LRRC4C: variants seen among roughly 807,000 people sequenced by gnomAD.
The protein encoded by LRRC4C is leucine rich repeat containing 4C.
In LRRC4C, 5 loss-of-function variants were observed where a neutral mutation model predicts 33.6. That is an observed-to-expected ratio of 0.15 (90% CI 0.08 to 0.31). The LOEUF is 0.31. Ranked by LOEUF, LRRC4C falls within the 10% of genes least tolerant of loss-of-function variation. The pLI is 1.00. For synonymous variants in LRRC4C, 329 were observed against 302.0 expected (o/e 1.09, Z -0.93); for missense variants, 560 against 796.7 (o/e 0.70, Z 3.58).
chr11:40,272,829 T>A (rs1369084368), intron 4 of LRRC4C, among the ~76,000 whole-genome samples: 2 of 152,004 alleles, frequency 1.3e-5, no homozygotes, highest in East Asian at 3.9e-4. Flanking sequence ...AAACCTATGA[T>A]TCATTCTTTT....
At chr11:40,155,737 C>T (rs908340260) in intron 5 of LRRC4C, among the ~76,000 whole-genome samples, 1 of 151,954 alleles carries the variant, frequency 6.6e-6, no homozygotes, top group Non-Finnish European at 1.5e-5. Context: ...AAAAAAAGTC[C>T]AAGACCAGAC....
At chr11:40,294,536 T>C (rs1312135283) in intron 4 of LRRC4C, among the ~76,000 whole-genome samples, 1 of 152,060 alleles carries the variant, frequency 6.6e-6, no homozygotes, top group Non-Finnish European at 1.5e-5. Flanking sequence ...ATTAACACAG[T>C]ACTATTGCTT....
At position 40,514,854 on chromosome 11, in the gene LRRC4C, AG is replaced by A. The variant is rs374293858; in HGVS notation, c.-270+133287del. Among the ~76,000 whole-genome samples, 75 of 152,296 alleles carry A rather than the reference AG, an allele frequency of 4.9e-4. No homozygotes were observed. The East Asian group carries it at 9.5e-3, about 19-fold the overall frequency. On this transcript the variant is annotated intron_variant, in intron 3 of 6. Coordinates refer to ENST00000528697, the MANE Select transcript of LRRC4C (RefSeq NM_001258419.2). ...AAGTTTGTTAGAACACAGAGAAAAAAGCCACAATTTCAAAAATTATCAAACC... is the reference window on the plus strand; with the variant it reads ...AAGTTTGTTAGAACACAGAGAAAAAACCACAATTTCAAAAATTATCAAACC...
intron 1 of LRRC4C, among the ~76,000 whole-genome samples, chr11:41,344,726 A>C (rs1481506007): frequency 6.6e-6 from 1 of 152,232 alleles, no homozygotes; most frequent in Non-Finnish European, 1.5e-5. Context: ...GAGAAGCTAG[A>C]AGCATATCTT....
chr11:41,167,010 C>T (rs1461078346), intron 1 of LRRC4C, among the ~76,000 whole-genome samples: 2 of 152,098 alleles, frequency 1.3e-5, no homozygotes, highest in Non-Finnish European at 2.9e-5. Flanking sequence ...GAATTCAGAG[C>T]TTTATGTGTT....
intron 2 of LRRC4C, among the ~76,000 whole-genome samples, chr11:40,804,428 T>A (rs368587105): frequency 6.6e-6 from 1 of 152,220 alleles, no homozygotes; most frequent in African/African-American, 2.4e-5. Flanking sequence ...TTTAAGCTCC[T>A]CACTTCCCTG....
intron 2 of LRRC4C, among the ~76,000 whole-genome samples, chr11:40,749,825 T>C (rs545170870): frequency 4.6e-5 from 7 of 151,910 alleles, no homozygotes; most frequent in Non-Finnish European, 7.4e-5. Context: ...ACCACGGAAA[T>C]ACAGAAGACC....
At chr11:41,362,197 C>T (rs1952378815) in intron 1 of LRRC4C, among the ~76,000 whole-genome samples, 1 of 152,126 alleles carries the variant, frequency 6.6e-6, no homozygotes, top group African/African-American at 2.4e-5. Context: ...AATTCAAGAT[C>T]TCACAACCCT....
At chr11:41,303,917 G>T (rs1204315802) in intron 1 of LRRC4C, among the ~76,000 whole-genome samples, 1 of 87,248 alleles carries the variant, frequency 1.1e-5, no homozygotes, top group African/African-American at 3.6e-5. Flanking sequence ...GAAGTGAGGA[G>T]CCTCTCCGCC....
intron 1 of LRRC4C, among the ~76,000 whole-genome samples, chr11:41,239,529 C>T (rs574304375): frequency 6.6e-6 from 1 of 151,960 alleles, no homozygotes; most frequent in East Asian, 1.9e-4. Context: ...TCCCTGTACC[C>T]GGAATTTATC....
intron 3 of LRRC4C, among the ~76,000 whole-genome samples, chr11:40,362,257 A>G (rs1030230667): frequency 1.3e-5 from 2 of 152,196 alleles, no homozygotes; most frequent in African/African-American, 4.8e-5. Flanking sequence ...GCAAAAATTG[A>G]CAAATGGGAT....
chr11:40,487,982 A>C (rs12287243), intron 3 of LRRC4C, among the ~76,000 whole-genome samples: 6,247 of 152,174 alleles, frequency 0.041, 332 homozygotes, highest in African/African-American at 0.12. Flanking sequence ...CAACATCCAC[A>C]TTAAGGATGA....
chr11:41,389,680 G>T (rs928583082), intron 1 of LRRC4C, among the ~76,000 whole-genome samples: 1 of 92,872 alleles, frequency 1.1e-5, no homozygotes, highest in Non-Finnish European at 2.2e-5. Flanking sequence ...TTGAAAAGAG[G>T]TGCTTCTACT....
chr11:40,761,273 A>G (rs1949198317), intron 2 of LRRC4C, among the ~76,000 whole-genome samples: 1 of 152,120 alleles, frequency 6.6e-6, no homozygotes, highest in Non-Finnish European at 1.5e-5. Flanking sequence ...CATCATCTTA[A>G]AATTGCAGTG....
intron 1 of LRRC4C, among the ~76,000 whole-genome samples, chr11:41,351,048 G>A (rs1951963332): frequency 6.6e-6 from 1 of 152,074 alleles, no homozygotes; most frequent in African/African-American, 2.4e-5. Flanking sequence ...TGGGCAACAG[G>A]ACAAGACCTC....
At chr11:41,416,242 C>T (rs779805681) in intron 1 of LRRC4C, among the ~76,000 whole-genome samples, 6 of 152,058 alleles carry the variant, frequency 3.9e-5, no homozygotes, top group Non-Finnish European at 8.8e-5. Flanking sequence ...CCTACTCACA[C>T]TTCCCACCGT....
At chr11:40,155,551 A>C (rs1858614447) in intron 5 of LRRC4C, among the ~76,000 whole-genome samples, 1 of 152,128 alleles carries the variant, frequency 6.6e-6, no homozygotes, top group African/African-American at 2.4e-5. Context: ...GAAATACAAA[A>C]GATCATTCAA....
chr11:41,393,706 G>A (rs370039888), intron 1 of LRRC4C, among the ~76,000 whole-genome samples: 47 of 151,978 alleles, frequency 3.1e-4, no homozygotes, highest in African/African-American at 1.1e-3. Context: ...GAAATATTGA[G>A]GACTTGCCAA....
Position 40,880,155 on chromosome 11 carries a change from C to T in LRRC4C, c.-407+53480G>A, listed in dbSNP as rs552850174. Among the ~76,000 whole-genome samples the T allele has an allele frequency of 3.3e-5, 5 of 152,150 alleles. No homozygotes were observed. In the East Asian group the frequency reaches 9.7e-4, roughly 29 times the overall value. ...TGCTGGAAGTACTAGAGCCGCCTGCCAGACCTGAGAGGGGGGAAGACTTTG... is the reference window on the plus strand; with the variant it reads ...TGCTGGAAGTACTAGAGCCGCCTGCTAGACCTGAGAGGGGGGAAGACTTTG... On this transcript the variant is annotated intron_variant, in intron 2 of 6. Transcript: ENST00000528697.
Sources: allele counts gnomAD v4.1 joint callset (sites outside exome capture counted in the v4.1 genomes callset), GRCh38; gene constraint gnomAD v4.1.1; transcripts MANE v1.5; gene names NCBI Gene and HGNC (gene_info 2026-07-23, HGNC 2026-07-21).